The following POU2F2 variants were observed in gnomAD, a reference collection of about 807,000 sequenced individuals.
POU2F2 encodes POU domain, class 2, transcription factor 2.
Under a neutral mutation model 63.5 loss-of-function variants are expected in POU2F2, and 14 were observed. That is an observed-to-expected ratio of 0.22 (90% CI 0.15 to 0.34). The LOEUF is 0.34. Among genes scored for constraint, POU2F2 ranks in the 10% least tolerant of loss-of-function variants. The pLI, the probability that POU2F2 is intolerant of heterozygous loss-of-function variation, is 1.00. For missense variants in POU2F2, 607 were observed against 815.2 expected, an observed-to-expected ratio of 0.74 and a Z score of 3.11; for synonymous variants, 306 against 348.6, an observed-to-expected ratio of 0.88 and a Z score of 1.36.
chr19:42,135,865 C>T (rs1483317288), upstream of POU2F2, among the ~76,000 whole-genome samples: 4 of 152,060 alleles, frequency 2.6e-5, no homozygotes, highest in Non-Finnish European at 5.9e-5. Context: ...TGCACACCAC[C>T]AGGCCAGGCT....
intron 2 of POU2F2, among the ~76,000 whole-genome samples, chr19:42,157,875 G>T (rs1185318433): frequency 6.6e-6 from 1 of 152,070 alleles, no homozygotes; most frequent in Non-Finnish European, 1.5e-5. Context: ...AGAGGAGGAG[G>T]GGGAGTCACA....
At chr19:42,109,232 A>G (rs1270686737) in intron 5 of POU2F2, among the ~76,000 whole-genome samples, 2 of 152,188 alleles carry the variant, frequency 1.3e-5, no homozygotes, top group African/African-American at 4.8e-5. Flanking sequence ...ACCTCACTCC[A>G]GTGCACAGGC....
At chr19:42,197,053 A>G (rs575542055), upstream of POU2F2, among the ~76,000 whole-genome samples, 4 of 152,202 alleles carry the variant, frequency 2.6e-5, no homozygotes, top group Non-Finnish European at 5.9e-5. Context: ...GCTCAAGGGA[A>G]TGGCAGGTCC....
chr19:42,173,660 A>G (rs1052564267), intron 1 of POU2F2, among the ~76,000 whole-genome samples: 6 of 151,908 alleles, frequency 3.9e-5, no homozygotes, highest in African/African-American at 1.5e-4. Context: ...ATACACACAC[A>G]CTGTGGCTGA....
At chr19:42,195,502 T>G (rs1412713441) in intron 1 of POU2F2, among the ~76,000 whole-genome samples, 1 of 151,584 alleles carries the variant, frequency 6.6e-6, no homozygotes. Flanking sequence ...CAGGCTAATT[T>G]TTTGTATTTT....
At chr19:42,105,485 A>G (rs967627234) in intron 5 of POU2F2, among the ~76,000 whole-genome samples, 8 of 152,152 alleles carry the variant, frequency 5.3e-5, no homozygotes, top group African/African-American at 1.9e-4. Context: ...TGATTAAAGT[A>G]TTTGTTAACT....
chr19:42,131,085 C>A (rs1752873867), intron 1 of POU2F2, among the ~76,000 whole-genome samples: 1 of 130,488 alleles, frequency 7.7e-6, no homozygotes, highest in East Asian at 2.3e-4. Context: ...ACACCTCTGC[C>A]TGTGCCCACC....
intron 5 of POU2F2, among the ~76,000 whole-genome samples, chr19:42,105,401 G>A (rs907245418): frequency 5.9e-5 from 9 of 152,134 alleles, no homozygotes; most frequent in African/African-American, 2.2e-4. Flanking sequence ...CCACTGAATT[G>A]AATCTAATGA....
At chr19:42,130,617 C>T (rs995003946) in intron 1 of POU2F2, among the ~76,000 whole-genome samples, 3 of 151,952 alleles carry the variant, frequency 2.0e-5, no homozygotes, top group Admixed American at 6.6e-5. Context: ...TGTGTCTACA[C>T]TGTATGGACA....
chr19:42,099,681 G>A lies in POU2F2; in HGVS notation c.475+35C>T, dbSNP rs1225939475. ...GGGGAAGGTGAGGAAGTTCTGTGGA[G>A]GCGTCAGGGAGGCCATCTGGGGTGG... On this transcript the variant is annotated intron_variant, in intron 6 of 14. Coordinates refer to ENST00000692977, the MANE Select transcript of POU2F2 (RefSeq NM_001394376.1). The A allele has an allele frequency of 1.9e-6, 3 of 1,602,132 alleles. No homozygotes were observed. The Admixed American group carries it at 5.1e-5, about 27-fold the overall frequency.
chr19:42,164,157 G>C (rs2034604113), intron 1 of POU2F2, among the ~76,000 whole-genome samples: 1 of 152,114 alleles, frequency 6.6e-6, no homozygotes, highest in Non-Finnish European at 1.5e-5. Flanking sequence ...AGCCGGGTGT[G>C]GTGGTGCGCC....
intron 2 of POU2F2, among the ~76,000 whole-genome samples, chr19:42,147,951 CAGG>C (rs1315776061): frequency 3.0e-4 from 46 of 152,148 alleles, no homozygotes; most frequent in Non-Finnish European, 1.0e-4. Context: ...AAGGCTCAGA[CAGG>C]AGAAGCCCCC....
rs1236466450 is a variant in POU2F2, at chr19:42,099,787, A to G, written c.404T>C (p.Val135Ala). Residue 135 changes from valine (V) to alanine (A), a missense_variant, in exon 6 of 15, where the codon GTG becomes GCG. By Grantham distance (64) the Val-to-Ala change is moderately conservative. Around this residue, in one of 7 missense-constraint regions of POU2F2, gnomAD observed 224 missense variants for 264.3 expected, o/e 0.85. Transcript: ENST00000692977. ...CTGGAGGTGGTGGCCTGGCACAAGC[A>G]CCAGCTGCTGGAGCTGGAGGAGCTG... ...IQQLLQLQQL[V>A]LVPGHHLQPP... is the part of the protein sequence containing the mutation. 4 of 1,581,880 alleles carry G rather than the reference A, an allele frequency of 2.5e-6. No homozygotes were observed. Among genetic ancestry groups the G allele is most frequent in the East Asian group, 4.6e-5 (2 of 43,336 alleles).
Position 42,086,818 on chromosome 19 carries a change from G to A in POU2F2, c.*4439C>T, listed in dbSNP as rs2076561979. Reference sequence around the variant, plus strand: ...TAGAGGACAGGAAAGAGAGGAAGGGGAGGGAGGCAGAAGGGAGGGGTCACA... The same window carrying A: ...TAGAGGACAGGAAAGAGAGGAAGGGAAGGGAGGCAGAAGGGAGGGGTCACA... On this transcript the variant is annotated 3_prime_UTR_variant, in exon 15 of 15. Coordinates refer to ENST00000692977, the MANE Select transcript of POU2F2 (RefSeq NM_001394376.1). 1 of 152,186 alleles carries A rather than the reference G, an allele frequency of 6.6e-6. No individual in the cohort carries two copies. Among genetic ancestry groups the A allele is most frequent in the Admixed American group, 6.5e-5 (1 of 15,274 alleles). 9.4% of individuals were successfully genotyped at this position (152,186 alleles called of 1,614,324 possible). A position where few individuals can be genotyped will look rare whatever the true frequency, so the allele number is the denominator to read the frequency against.
chr19:42,103,028 G>GT lies in POU2F2; in HGVS notation c.370-3208dup, dbSNP rs536407830. ...TGCTCCAGCCATTTAGCCCTTTTCTGTTTTTTTTTTTCAAATGCACCAAGC... is the reference window on the plus strand; with the variant it reads ...TGCTCCAGCCATTTAGCCCTTTTCTGTTTTTTTTTTTTCAAATGCACCAAGC... On this transcript the variant is annotated intron_variant, in intron 5 of 14. Transcript: ENST00000692977. 3.8e-3 allele frequency among the ~76,000 whole-genome samples: 557 copies of GT among 145,082 alleles called. 6 individuals carry two copies. In the South Asian group the frequency reaches 0.042, roughly 11 times the overall value.
Position 42,100,127 on chromosome 19 carries a change from T to C in POU2F2, c.370-306A>G, listed in dbSNP as rs549615480. 2.2e-5 allele frequency among the ~76,000 whole-genome samples: 3 copies of C among 137,400 alleles called. No homozygotes were observed. The East Asian group carries it at 6.9e-4, about 32-fold the overall frequency. 90.1% of individuals were successfully genotyped at this position (137,400 alleles called of 152,430 possible). A position where few individuals can be genotyped will look rare whatever the true frequency, so the allele number is the denominator to read the frequency against. Reference sequence around the variant, plus strand: ...TTTTTTTTTTTTTTGAGTCTCGCTCTGTCGCCCAGGCTGGAGTGCAGTGGT... The same window carrying C: ...TTTTTTTTTTTTTTGAGTCTCGCTCCGTCGCCCAGGCTGGAGTGCAGTGGT... On this transcript the variant is annotated intron_variant, in intron 5 of 14. Coordinates refer to ENST00000692977, the MANE Select transcript of POU2F2 (RefSeq NM_001394376.1).
At chr19:42,140,900 TA>T (rs1218449881) in intron 2 of POU2F2, among the ~76,000 whole-genome samples, 3 of 152,184 alleles carry the variant, frequency 2.0e-5, no homozygotes, top group Non-Finnish European at 2.9e-5. Flanking sequence ...CCCAAGTGGA[TA>T]TGGTGCCTCT....
chr19:42,151,370 T>C (rs1454550516), intron 2 of POU2F2, among the ~76,000 whole-genome samples: 1 of 151,620 alleles, frequency 6.6e-6, no homozygotes, highest in African/African-American at 2.4e-5. Context: ...AAGGCTAAGG[T>C]GATTCCTCAA....
rs768313993 is a variant in POU2F2, at chr19:42,093,877, C to T, written c.1216G>A (p.Ala406Thr). The change falls in exon 12 of 15, where the codon GCG becomes ACG. Residue 406 changes from alanine (A) to threonine (T), a missense_variant. By Grantham distance (58) the Ala-to-Thr change is moderately conservative. This residue lies in a region of POU2F2 where 270 missense variants were observed against 307.5 expected (regional missense o/e 0.88). Transcript: ENST00000692977. ...GCTTGGGACAACGGTAAGGTCCCCG[C>T]GCCCCCTTGGGGTGTGACCTGAGGA... ...SPHMVTPQGG[A>T]GTLPLSQASS... 2.0e-5 allele frequency: 32 copies of T among 1,611,856 alleles called. No individual in the cohort carries two copies. In the East Asian group the frequency reaches 5.4e-4, roughly 27 times the overall value.
Sources: allele counts gnomAD v4.1 joint callset (sites outside exome capture counted in the v4.1 genomes callset), GRCh38; gene constraint gnomAD v4.1.1; regional missense constraint gnomAD v4.1.1; transcripts MANE v1.5; gene names NCBI Gene and HGNC (gene_info 2026-07-23, HGNC 2026-07-21).